Variants in FSTL5 observed in about 807,000 individuals in gnomAD.
FSTL5 encodes follistatin-related protein 5.
In FSTL5, 62 loss-of-function variants were observed where a neutral mutation model predicts 89.1. The observed-to-expected ratio is 0.70, with a 90% CI of 0.57 to 0.86. The LOEUF is 0.86. FSTL5 is among the 40% of genes least tolerant of loss of function. FSTL5 has a pLI of 0.00. For synonymous variants in FSTL5, 383 were observed against 346.2 expected, an observed-to-expected ratio of 1.11 and a Z score of -1.18; for missense variants, 1,057 against 1,001.6, an observed-to-expected ratio of 1.06 and a Z score of -0.75.
At chr4:161,461,460 C>CAAAAA (rs58371125) in intron 13 of FSTL5, among the ~76,000 whole-genome samples, 1 of 45,354 alleles carries the variant, frequency 2.2e-5, no homozygotes, top group African/African-American at 9.4e-5. Context: ...GACTCCGTCT[C>CAAAAA]AAAAAAAAAA....
At chr4:161,645,588 G>A (rs1736125661) in intron 7 of FSTL5, among the ~76,000 whole-genome samples, 1 of 152,082 alleles carries the variant, frequency 6.6e-6, no homozygotes, top group Non-Finnish European at 1.5e-5. Flanking sequence ...ACAGTGCACT[G>A]TTTGACAATA....
chr4:161,708,875 T>G (rs1398982089), intron 6 of FSTL5, among the ~76,000 whole-genome samples: 1 of 152,166 alleles, frequency 6.6e-6, no homozygotes, highest in Non-Finnish European at 1.5e-5. Context: ...ATATGAGGCA[T>G]TTACAAAACA....
chr4:161,965,049 C>A (rs1466457819), intron 3 of FSTL5, among the ~76,000 whole-genome samples: 1 of 152,086 alleles, frequency 6.6e-6, no homozygotes, highest in Non-Finnish European at 1.5e-5. Flanking sequence ...AGCATCATTA[C>A]AGCTAAAAGG....
intron 1 of FSTL5, among the ~76,000 whole-genome samples, chr4:162,114,106 T>C (rs1174870247): frequency 6.6e-6 from 1 of 152,162 alleles, no homozygotes; most frequent in African/African-American, 2.4e-5. Flanking sequence ...TGAATGCAAT[T>C]CCTATTTCCA....
At position 162,071,292 on chromosome 4, in the gene FSTL5, G is replaced by T. The variant is rs62329636; in HGVS notation, c.127-37634C>A. On this transcript the variant is annotated intron_variant, in intron 2 of 15. Coordinates refer to ENST00000306100, the MANE Select transcript of FSTL5 (RefSeq NM_020116.5). The stretch of plus-strand genomic sequence containing the variant: ...GACACTCATAGACTAAAAGTAAAGA[G>T]AGGAAAAAAGACATACCATGCAAAT... Among the ~76,000 whole-genome samples the T allele has an allele frequency of 4.1e-3, 623 of 151,482 alleles. 2 individuals carry two copies. Among genetic ancestry groups the T allele is most frequent in the Non-Finnish European group, 6.9e-3 (466 of 67,722 alleles).
At chr4:161,960,345 A>G (rs1178143818) in intron 3 of FSTL5, among the ~76,000 whole-genome samples, 1 of 150,938 alleles carries the variant, frequency 6.6e-6, no homozygotes, top group East Asian at 2.0e-4. Flanking sequence ...TTTTTTTTTA[A>G]ATATATTTTT....
chr4:161,917,721 A>G (rs1474999633), intron 4 of FSTL5, among the ~76,000 whole-genome samples: 1 of 152,172 alleles, frequency 6.6e-6, no homozygotes, highest in East Asian at 1.9e-4. Context: ...ATAAACTTTT[A>G]AAGCAGGGGT....
At chr4:161,752,032 T>C (rs1428791084) in intron 6 of FSTL5, among the ~76,000 whole-genome samples, 3 of 152,174 alleles carry the variant, frequency 2.0e-5, no homozygotes, top group Admixed American at 2.0e-4. Flanking sequence ...CAAGGTTTAG[T>C]CTTTCAGAGA....
chr4:161,434,389 C>T (rs1361181667), intron 15 of FSTL5, among the ~76,000 whole-genome samples: 1 of 152,012 alleles, frequency 6.6e-6, no homozygotes, highest in African/African-American at 2.4e-5. Flanking sequence ...CATCTCTTGC[C>T]ATACACAAAA....
chr4:161,586,379 A>C (rs944460071), intron 8 of FSTL5, among the ~76,000 whole-genome samples: 4 of 152,100 alleles, frequency 2.6e-5, no homozygotes, highest in Non-Finnish European at 5.9e-5. Flanking sequence ...CAATCTCAAA[A>C]TGTGTTCCTT....
intron 4 of FSTL5, among the ~76,000 whole-genome samples, chr4:161,839,520 C>T (rs374631825): frequency 4.7e-4 from 72 of 152,168 alleles, no homozygotes; most frequent in African/African-American, 1.6e-3. Flanking sequence ...GTAAAACCTA[C>T]GGAAGCACTC....
chr4:161,896,252 G>A (rs1020360877), intron 4 of FSTL5, among the ~76,000 whole-genome samples: 2 of 152,096 alleles, frequency 1.3e-5, no homozygotes, highest in Admixed American at 6.6e-5. Flanking sequence ...ATGATAGATT[G>A]CATGTTAAAT....
intron 7 of FSTL5, among the ~76,000 whole-genome samples, chr4:161,620,268 A>G (rs900035474): frequency 6.6e-6 from 1 of 151,768 alleles, no homozygotes; most frequent in Admixed American, 6.6e-5. Flanking sequence ...GCAGCACACC[A>G]GCATGGCACA....
intron 3 of FSTL5, among the ~76,000 whole-genome samples, chr4:161,952,991 G>A (rs1201679473): frequency 6.6e-6 from 1 of 151,696 alleles, no homozygotes; most frequent in South Asian, 2.1e-4. Context: ...ACTGGCTCAA[G>A]GCTTGGTTCC....
chr4:161,618,601 G>A (rs1734984611), intron 7 of FSTL5, among the ~76,000 whole-genome samples: 1 of 151,934 alleles, frequency 6.6e-6, no homozygotes, highest in East Asian at 1.9e-4. Flanking sequence ...TTTCTCTTCG[G>A]TTCTGTTTAT....
At chr4:162,024,427 T>G (rs1737204716) in intron 3 of FSTL5, among the ~76,000 whole-genome samples, 1 of 152,180 alleles carries the variant, frequency 6.6e-6, no homozygotes, top group African/African-American at 2.4e-5. Flanking sequence ...TTCTAATATT[T>G]AAATTAATAC....
At chr4:162,007,907 T>C (rs1736656678) in intron 3 of FSTL5, among the ~76,000 whole-genome samples, 1 of 151,820 alleles carries the variant, frequency 6.6e-6, no homozygotes, top group Non-Finnish European at 1.5e-5. Context: ...ACTAAACTAG[T>C]TGTCAGAAGT....
At chr4:161,706,459 C>G (rs1454646087) in intron 6 of FSTL5, among the ~76,000 whole-genome samples, 1 of 151,980 alleles carries the variant, frequency 6.6e-6, no homozygotes, top group Non-Finnish European at 1.5e-5. Context: ...GAATTATCCA[C>G]TCTTGCAGAA....
At chr4:162,049,252 C>G (rs1385207621) in intron 2 of FSTL5, among the ~76,000 whole-genome samples, 1 of 152,070 alleles carries the variant, frequency 6.6e-6, no homozygotes, top group African/African-American at 2.4e-5. Context: ...GCTTTTGACT[C>G]AACATCTAAC....
Sources: allele counts gnomAD v4.1 joint callset (sites outside exome capture counted in the v4.1 genomes callset), GRCh38; gene constraint gnomAD v4.1.1; transcripts MANE v1.5; gene names NCBI Gene and HGNC (gene_info 2026-07-23, HGNC 2026-07-21).